RPH3A: variants seen among roughly 807,000 people sequenced by gnomAD.
RPH3A encodes the protein rabphilin-3A.
RPH3A carries 48 observed loss-of-function variants against 102.2 expected under a neutral mutation model. The observed-to-expected ratio is 0.47, with a 90% confidence interval of 0.37 to 0.60. RPH3A has a LOEUF of 0.60. Ranked by LOEUF, RPH3A falls within the 20% of genes least tolerant of loss-of-function variation. RPH3A has a pLI of 0.00. For missense variants in RPH3A, 781 were observed against 910.1 expected (o/e 0.86, Z 1.83); for synonymous variants, 310 against 324.3 (o/e 0.96, Z 0.47).
intron 2 of RPH3A, among the ~76,000 whole-genome samples, chr12:112,815,982 G>A (rs2041664893): frequency 1.3e-5 from 2 of 152,292 alleles, no homozygotes; most frequent in East Asian, 3.9e-4. Context: ...ACGATGTCTG[G>A]TGTTAAGGTT....
At chr12:112,706,021 C>T (rs1274906099) in intron 1 of RPH3A, among the ~76,000 whole-genome samples, 1 of 152,092 alleles carries the variant, frequency 6.6e-6, no homozygotes, top group African/African-American at 2.4e-5. Context: ...CAGACCCAAA[C>T]AAATAAATGT....
intron 1 of RPH3A, among the ~76,000 whole-genome samples, chr12:112,677,331 TTCCCTCCCTCCTTCCCTTCCTCCCTCCC>T (rs746692204): frequency 0.034 from 3,853 of 113,754 alleles, 439 homozygotes; most frequent in South Asian, 0.052. Flanking sequence ...GCCTGTCATT[TTCCCTCCCTCCTTCCCTTCCTCCCTCCC>T]TCCCTCCCTC....
intron 2 of RPH3A, among the ~76,000 whole-genome samples, chr12:112,808,102 T>C (rs56664937): frequency 1.3e-5 from 2 of 152,130 alleles, no homozygotes; most frequent in African/African-American, 4.8e-5. Flanking sequence ...ATTCAAAACC[T>C]TACCCTCTCC....
chr12:112,738,324 C>T (rs1224754133), intron 1 of RPH3A, among the ~76,000 whole-genome samples: 1 of 152,136 alleles, frequency 6.6e-6, no homozygotes, highest in Non-Finnish European at 1.5e-5. Flanking sequence ...TCCCGAGTAG[C>T]TGGGACTACA....
At chr12:112,585,856 C>T (rs1321354655) in intron 1 of RPH3A, among the ~76,000 whole-genome samples, 2 of 152,170 alleles carry the variant, frequency 1.3e-5, no homozygotes, top group East Asian at 3.9e-4. Flanking sequence ...ACCAAGAGCC[C>T]TCTAGATAAG....
At chr12:112,674,205 G>C (rs1441667000) in intron 1 of RPH3A, among the ~76,000 whole-genome samples, 1 of 152,142 alleles carries the variant, frequency 6.6e-6, no homozygotes, top group Non-Finnish European at 1.5e-5. Context: ...TTACAAGTGT[G>C]TGCCACCGCA....
chr12:112,780,061 C>T (rs1353057196), intron 1 of RPH3A, among the ~76,000 whole-genome samples: 1 of 152,170 alleles, frequency 6.6e-6, no homozygotes, highest in African/African-American at 2.4e-5. Context: ...CACGGCCCTG[C>T]TGAGGTCTTC....
chr12:112,886,436 C>A (rs2136256689), intron 16 of RPH3A, among the ~76,000 whole-genome samples: 1 of 151,992 alleles, frequency 6.6e-6, no homozygotes, highest in East Asian at 1.9e-4. Context: ...CAAACTAGAT[C>A]CCTCACATGT....
At chr12:112,682,106 T>C (rs1328382886) in intron 1 of RPH3A, among the ~76,000 whole-genome samples, 1 of 152,200 alleles carries the variant, frequency 6.6e-6, no homozygotes, top group Non-Finnish European at 1.5e-5. Flanking sequence ...GTTGTATTAA[T>C]CAAGATTCTT....
intron 1 of RPH3A, among the ~76,000 whole-genome samples, chr12:112,722,259 G>A (rs1468587678): frequency 6.6e-6 from 1 of 152,228 alleles, no homozygotes; most frequent in East Asian, 1.9e-4. Context: ...CTTTGGGAAA[G>A]AATGCATAGC....
At chr12:112,746,664 G>T (rs1222733921) in intron 1 of RPH3A, among the ~76,000 whole-genome samples, 1 of 152,178 alleles carries the variant, frequency 6.6e-6, no homozygotes, top group Non-Finnish European at 1.5e-5. Context: ...GACCTGTGCA[G>T]GTGTAGCATC....
At chr12:112,660,182 A>G (rs2040040048) in intron 1 of RPH3A, among the ~76,000 whole-genome samples, 1 of 152,214 alleles carries the variant, frequency 6.6e-6, no homozygotes, top group Admixed American at 6.5e-5. Context: ...ATAAATAAAT[A>G]TACAGACATG....
At chr12:112,884,553 T>C (rs1279292530) in intron 16 of RPH3A, among the ~76,000 whole-genome samples, 1 of 152,218 alleles carries the variant, frequency 6.6e-6, no homozygotes, top group South Asian at 2.1e-4. Context: ...AGCTTTTTTC[T>C]ATTACAAACA....
At chr12:112,759,810 C>T (rs73421280) in intron 1 of RPH3A, among the ~76,000 whole-genome samples, 12,115 of 152,090 alleles carry the variant, frequency 0.08, 1,268 homozygotes, top group African/African-American at 0.24. Context: ...TCTTCTGGTG[C>T]GTATGTCCTT....
At chr12:112,603,910 T>G (rs1176308910) in intron 1 of RPH3A, among the ~76,000 whole-genome samples, 1 of 152,038 alleles carries the variant, frequency 6.6e-6, no homozygotes, top group Non-Finnish European at 1.5e-5. Context: ...AATGTGTGCT[T>G]GTGTGTGTGT....
At chr12:112,698,495 A>C (rs2040368307) in intron 1 of RPH3A, among the ~76,000 whole-genome samples, 1 of 152,210 alleles carries the variant, frequency 6.6e-6, no homozygotes, top group Non-Finnish European at 1.5e-5. Flanking sequence ...TGTAAAACAC[A>C]TAGCTGATAA....
At chr12:112,620,358 A>C (rs1276368443) in intron 1 of RPH3A, among the ~76,000 whole-genome samples, 1 of 152,178 alleles carries the variant, frequency 6.6e-6, no homozygotes, top group Non-Finnish European at 1.5e-5. Context: ...AGAGGTGTGG[A>C]TACTGAGCAG....
chr12:112,610,829 G>T (rs1348414295), intron 1 of RPH3A, among the ~76,000 whole-genome samples: 3 of 152,028 alleles, frequency 2.0e-5, no homozygotes, highest in Non-Finnish European at 2.9e-5. Flanking sequence ...GTAGAGACAG[G>T]GTTTCACCGT....
At chr12:112,896,609 T>A in intron 21 of RPH3A, 41 bp from the exon 22 acceptor site, 1 of 1,612,858 alleles carries the variant, frequency 6.2e-7, no homozygotes, top group Non-Finnish European at 8.5e-7. Context: ...GAACGACCTC[T>A]ATTCTGACCA....
Sources: allele counts gnomAD v4.1 joint callset (sites outside exome capture counted in the v4.1 genomes callset), GRCh38; gene constraint gnomAD v4.1.1; transcripts MANE v1.5; gene names NCBI Gene and HGNC (gene_info 2026-07-23, HGNC 2026-07-21).